EDIL3: variants seen among roughly 807,000 people sequenced by gnomAD.
EDIL3 encodes EGF-like repeat and discoidin I-like domain-containing protein 3.
In EDIL3, 37 loss-of-function variants were observed where a neutral mutation model predicts 67.4. The ratio of observed to expected loss-of-function variants is 0.55; its 90% confidence interval spans 0.42 to 0.72. The LOEUF is 0.72. Ranked by LOEUF, EDIL3 falls within the 30% of genes least tolerant of loss-of-function variation. The probability of loss-of-function intolerance (pLI) is 0.00; values close to 1 mark genes in which losing one functional copy is unlikely to be tolerated. For missense variants in EDIL3, 527 were observed against 586.3 expected, an observed-to-expected ratio of 0.90 and a Z score of 1.04; for synonymous variants, 195 against 196.3, an observed-to-expected ratio of 0.99 and a Z score of 0.05.
intron 5 of EDIL3, among the ~76,000 whole-genome samples, chr5:84,112,737 C>T (rs1376452942): frequency 1.3e-5 from 2 of 152,168 alleles, no homozygotes; most frequent in African/African-American, 4.8e-5. Context: ...TCTGTTTTCT[C>T]ACAAGATAGA....
At chr5:84,293,856 T>C (rs966239074) in intron 1 of EDIL3, among the ~76,000 whole-genome samples, 7 of 151,894 alleles carry the variant, frequency 4.6e-5, no homozygotes, top group Non-Finnish European at 1.0e-4. Flanking sequence ...GTTTGTTTTA[T>C]TCACTTTTCT....
intron 4 of EDIL3, among the ~76,000 whole-genome samples, chr5:84,176,621 C>T (rs1297640219): frequency 6.6e-6 from 1 of 151,612 alleles, no homozygotes; most frequent in Non-Finnish European, 1.5e-5. Flanking sequence ...ATTACTCTAG[C>T]CAGTCCCAAA....
intron 9 of EDIL3, among the ~76,000 whole-genome samples, chr5:84,033,107 C>T (rs1285029237): frequency 2.0e-5 from 3 of 152,138 alleles, no homozygotes; most frequent in Non-Finnish European, 4.4e-5. Flanking sequence ...AGACTCTCTG[C>T]TTTACATAAT....
intron 4 of EDIL3, among the ~76,000 whole-genome samples, chr5:84,153,094 T>A (rs967859211): frequency 1.3e-5 from 2 of 152,142 alleles, no homozygotes; most frequent in African/African-American, 4.8e-5. Flanking sequence ...TTTTATTCTG[T>A]TCATTACCAA....
At chr5:84,319,940 G>T (rs953168546) in intron 1 of EDIL3, among the ~76,000 whole-genome samples, 1 of 152,062 alleles carries the variant, frequency 6.6e-6, no homozygotes, top group African/African-American at 2.4e-5. Flanking sequence ...TCATAAATGG[G>T]AGTTGAATAA....
chr5:84,360,584 G>A (rs1319018614), intron 1 of EDIL3, among the ~76,000 whole-genome samples: 10 of 152,146 alleles, frequency 6.6e-5, no homozygotes, highest in Non-Finnish European at 1.5e-5. Flanking sequence ...GCCATCACTT[G>A]TGAAGGTTAT....
At chr5:84,079,843 T>G (rs2112256565) in intron 6 of EDIL3, among the ~76,000 whole-genome samples, 1 of 152,192 alleles carries the variant, frequency 6.6e-6, no homozygotes, top group Middle Eastern at 3.4e-3. Flanking sequence ...GTTACAGGGA[T>G]TTGCAACTCC....
At chr5:84,103,967 G>A (rs1249027028) in intron 6 of EDIL3, among the ~76,000 whole-genome samples, 3 of 151,926 alleles carry the variant, frequency 2.0e-5, no homozygotes, top group Non-Finnish European at 4.4e-5. Flanking sequence ...GGAATCAACC[G>A]AAATGCCAAT....
intron 9 of EDIL3, among the ~76,000 whole-genome samples, chr5:84,036,641 T>A (rs1746027200): frequency 6.6e-6 from 1 of 152,146 alleles, no homozygotes. Flanking sequence ...TGAGCATTGA[T>A]ATAGAGGTGA....
chr5:84,376,089 T>C (rs1327832926), intron 1 of EDIL3, among the ~76,000 whole-genome samples: 2 of 152,172 alleles, frequency 1.3e-5, no homozygotes, highest in Non-Finnish European at 2.9e-5. Flanking sequence ...AAGCTCTAGA[T>C]CCTAATTTTA....
intron 3 of EDIL3, among the ~76,000 whole-genome samples, chr5:84,218,295 T>C (rs1278470431): frequency 2.0e-5 from 3 of 152,226 alleles, no homozygotes; most frequent in Non-Finnish European, 2.9e-5. Context: ...CTTAGGAATG[T>C]TCTAGGCAAC....
intron 9 of EDIL3, among the ~76,000 whole-genome samples, chr5:84,052,948 C>G (rs1580301306): frequency 6.6e-6 from 1 of 152,166 alleles, no homozygotes; most frequent in Admixed American, 6.5e-5. Context: ...CAGCTCTGCA[C>G]CAAGTGGACC....
At chr5:84,074,882 A>G (rs1189049428) in intron 6 of EDIL3, among the ~76,000 whole-genome samples, 1 of 152,210 alleles carries the variant, frequency 6.6e-6, no homozygotes, top group Non-Finnish European at 1.5e-5. Context: ...TCATGCTGCT[A>G]TAAAGACACA....
intron 4 of EDIL3, among the ~76,000 whole-genome samples, chr5:84,145,596 A>G (rs1674622940): frequency 6.6e-6 from 1 of 152,092 alleles, no homozygotes; most frequent in African/African-American, 2.4e-5. Flanking sequence ...AAATAATTCA[A>G]AAAGTGAGAA....
intron 6 of EDIL3, among the ~76,000 whole-genome samples, chr5:84,099,116 G>C (rs1747316379): frequency 6.6e-6 from 1 of 152,018 alleles, no homozygotes; most frequent in South Asian, 2.1e-4. Flanking sequence ...CAAACAAATG[G>C]AAAAACATTC....
intron 4 of EDIL3, among the ~76,000 whole-genome samples, chr5:84,169,437 T>C (rs1433967376): frequency 6.6e-6 from 1 of 151,964 alleles, no homozygotes; most frequent in Non-Finnish European, 1.5e-5. Context: ...TTAGGCTCTA[T>C]AGAATTTTAT....
chr5:84,298,724 A>C (rs1746097789), intron 1 of EDIL3, among the ~76,000 whole-genome samples: 1 of 152,166 alleles, frequency 6.6e-6, no homozygotes, highest in Admixed American at 6.5e-5. Context: ...CCAAAATCAT[A>C]TATAATCTCC....
intron 9 of EDIL3, among the ~76,000 whole-genome samples, chr5:84,052,896 C>T (rs1435596932): frequency 1.3e-5 from 2 of 152,144 alleles, no homozygotes; most frequent in Non-Finnish European, 2.9e-5. Context: ...TTAGACAGAT[C>T]AACAAGACAG....
intron 1 of EDIL3, among the ~76,000 whole-genome samples, chr5:84,270,115 T>C (rs1178548819): frequency 6.6e-6 from 1 of 152,232 alleles, no homozygotes; most frequent in Non-Finnish European, 1.5e-5. Context: ...CTTCATTGTG[T>C]TTATCTTTAT....
Sources: allele counts gnomAD v4.1 joint callset (sites outside exome capture counted in the v4.1 genomes callset), GRCh38; gene constraint gnomAD v4.1.1; transcripts MANE v1.5; gene names NCBI Gene and HGNC (gene_info 2026-07-23, HGNC 2026-07-21).